The following WDR70 variants were observed in gnomAD, a reference collection of about 807,000 sequenced individuals.
WDR70 encodes WD repeat-containing protein 70.
In WDR70, 53 loss-of-function variants were observed where a neutral mutation model predicts 88.6. The ratio of observed to expected loss-of-function variants is 0.60; its 90% CI spans 0.48 to 0.75. The LOEUF (loss-of-function observed/expected upper bound fraction) is 0.75. Among genes scored for constraint, WDR70 ranks in the 30% least tolerant of loss-of-function variants. WDR70 has a pLI of 0.00. For missense variants in WDR70, 610 were observed against 823.2 expected, an observed-to-expected ratio of 0.74 and a Z score of 3.17; for synonymous variants, 280 against 270.0, an observed-to-expected ratio of 1.04 and a Z score of -0.36.
chr5:37,460,918 C>T (rs935400610), intron 7 of WDR70, among the ~76,000 whole-genome samples: 4 of 151,518 alleles, frequency 2.6e-5, no homozygotes, highest in Non-Finnish European at 5.9e-5. Context: ...TCACCTTTTC[C>T]TCTTTTAACA....
chr5:37,576,126 C>T (rs528476045), intron 9 of WDR70, among the ~76,000 whole-genome samples: 204 of 129,016 alleles, frequency 1.6e-3, no homozygotes, highest in Admixed American at 2.8e-3. Flanking sequence ...TCCCTCCCTC[C>T]GCCCTCCTTC....
At chr5:37,566,798 A>G (rs978923154) in intron 9 of WDR70, among the ~76,000 whole-genome samples, 3 of 152,190 alleles carry the variant, frequency 2.0e-5, no homozygotes, top group Admixed American at 6.5e-5. Flanking sequence ...AAGGAGGTAA[A>G]GGGAATATTT....
At chr5:37,402,365 C>T (rs545432299) in intron 5 of WDR70, among the ~76,000 whole-genome samples, 8 of 150,278 alleles carry the variant, frequency 5.3e-5, no homozygotes, top group South Asian at 4.2e-4. Flanking sequence ...TTGATGGACA[C>T]GTAGGTTGAT....
intron 3 of WDR70, among the ~76,000 whole-genome samples, chr5:37,388,523 T>C (rs1394809527): frequency 2.7e-5 from 4 of 149,086 alleles, no homozygotes; most frequent in Non-Finnish European, 4.5e-5. Context: ...GTGGATTGCT[T>C]GAGGCCAGGA....
intron 12 of WDR70, 72 bp from the exon 13 acceptor site, chr5:37,702,877 T>C: frequency 1.4e-6 from 2 of 1,465,650 alleles, no homozygotes; most frequent in Non-Finnish European, 1.9e-6. Flanking sequence ...TATATTTTAT[T>C]TAATTCACTA....
intron 8 of WDR70, among the ~76,000 whole-genome samples, chr5:37,498,957 T>G (rs1228927470): frequency 6.6e-6 from 1 of 152,216 alleles, no homozygotes; most frequent in Non-Finnish European, 1.5e-5. Flanking sequence ...CCACCAGAAA[T>G]GAATGAGAGT....
At chr5:37,675,431 C>T (rs1345795913) in intron 10 of WDR70, among the ~76,000 whole-genome samples, 2 of 152,048 alleles carry the variant, frequency 1.3e-5, no homozygotes, top group Admixed American at 6.6e-5. Context: ...GGAAGGGATC[C>T]AGTTTCAGCT....
chr5:37,476,897 C>T (rs1739503612), intron 7 of WDR70, among the ~76,000 whole-genome samples: 1 of 152,122 alleles, frequency 6.6e-6, no homozygotes, highest in Admixed American at 6.6e-5. Context: ...AGTGTAGTGA[C>T]GCGATCATAG....
At chr5:37,610,260 C>T (rs778080311) in intron 10 of WDR70, among the ~76,000 whole-genome samples, 47 of 128,088 alleles carry the variant, frequency 3.7e-4, no homozygotes, top group African/African-American at 3.3e-4. Context: ...AGCAAGACTC[C>T]GTCTCAAAAA....
chr5:37,749,849 G>A lies in WDR70; in HGVS notation c.1878-2637G>A, dbSNP rs528982900. On this transcript the variant is annotated intron_variant, in intron 17 of 17. Coordinates refer to ENST00000265107, the MANE Select transcript of WDR70 (RefSeq NM_018034.4). Reference sequence around the variant, plus strand: ...CTAGGTGAAAAAAAAAACCAAAAACGCAGTATCTCCTTTGAAAAACAAATA... The same window carrying A: ...CTAGGTGAAAAAAAAAACCAAAAACACAGTATCTCCTTTGAAAAACAAATA... Among the ~76,000 whole-genome samples the A allele has an allele frequency of 4.3e-4, 50 of 116,222 alleles. 2 individuals carry two copies. The South Asian group carries it at 0.013, about 30-fold the overall frequency. 76.2% of individuals were successfully genotyped at this position (116,222 alleles called of 152,430 possible). A position where few individuals can be genotyped will look rare whatever the true frequency, so the allele number is the denominator to read the frequency against.
intron 10 of WDR70, among the ~76,000 whole-genome samples, chr5:37,679,834 G>A (rs1035010450): frequency 6.6e-6 from 1 of 152,242 alleles, no homozygotes; most frequent in African/African-American, 2.4e-5. Flanking sequence ...CCTGCCCCCA[G>A]AGGTGGAGGC....
intron 7 of WDR70, among the ~76,000 whole-genome samples, chr5:37,443,735 C>T (rs1738354841): frequency 6.6e-6 from 1 of 151,900 alleles, no homozygotes; most frequent in Non-Finnish European, 1.5e-5. Flanking sequence ...TGCCTGTAAT[C>T]CAGCTACTCG....
intron 7 of WDR70, among the ~76,000 whole-genome samples, chr5:37,453,016 C>A (rs1432047096): frequency 6.6e-6 from 1 of 152,212 alleles, no homozygotes; most frequent in Admixed American, 6.5e-5. Flanking sequence ...TCTCACTCAC[C>A]TAGCACACTT....
At position 37,494,902 on chromosome 5, in the gene WDR70, G is replaced by T. The variant is rs550813450; in HGVS notation, c.840+14915G>T. On this transcript the variant is annotated intron_variant, in intron 8 of 17. Transcript: ENST00000265107. ...AGCAAATGACTAAGAGTGTGTTAGG[G>T]TTGGCAAACCATGGCCTTGGGGCAA... Among the ~76,000 whole-genome samples, 5 of 152,350 alleles carry T rather than the reference G, an allele frequency of 3.3e-5. No homozygotes were observed. In the East Asian group the frequency reaches 9.6e-4, roughly 29 times the overall value.
At chr5:37,384,338 C>T (rs1181274634) in intron 3 of WDR70, among the ~76,000 whole-genome samples, 1 of 151,866 alleles carries the variant, frequency 6.6e-6, no homozygotes, top group Non-Finnish European at 1.5e-5. Flanking sequence ...GGTGCTACCA[C>T]ACCCCACTAA....
chr5:37,646,669 C>CT (rs1745247998), intron 10 of WDR70, among the ~76,000 whole-genome samples: 2 of 152,242 alleles, frequency 1.3e-5, no homozygotes, highest in African/African-American at 4.8e-5. Context: ...TCTTTCAGCT[C>CT]TTTAAATGTC....
intron 10 of WDR70, among the ~76,000 whole-genome samples, chr5:37,679,259 G>A (rs1354793087): frequency 6.6e-6 from 1 of 152,170 alleles, no homozygotes; most frequent in Non-Finnish European, 1.5e-5. Context: ...GTCCAGCTTT[G>A]TTCCATTGCT....
At chr5:37,748,735 T>C (rs971443394) in intron 17 of WDR70, among the ~76,000 whole-genome samples, 1 of 151,960 alleles carries the variant, frequency 6.6e-6, no homozygotes, top group African/African-American at 2.4e-5. Flanking sequence ...AGGTCTAATA[T>C]CCAGAATTTA....
chr5:37,496,695 A>C (rs1740226925), intron 8 of WDR70, among the ~76,000 whole-genome samples: 1 of 152,212 alleles, frequency 6.6e-6, no homozygotes, highest in South Asian at 2.1e-4. Context: ...TCTGCCTTTA[A>C]GACCTGCATG....
Sources: gnomAD v4.1 joint callset for allele counts (sites outside exome capture counted in the v4.1 genomes callset) on GRCh38, gnomAD v4.1.1 for gene constraint, MANE v1.5 for transcripts, NCBI Gene and HGNC (gene_info 2026-07-23, HGNC 2026-07-21) for gene names.